GDA: variants seen among roughly 807,000 people sequenced by gnomAD.
GDA encodes the protein cytoplasmic PSD-95 interactor.
A neutral mutation model predicts 59.6 loss-of-function variants in GDA; 18 were observed. That is an observed-to-expected ratio of 0.30 (90% confidence interval 0.21 to 0.45). The LOEUF (loss-of-function observed/expected upper bound fraction) is 0.45. Ranked by LOEUF, GDA falls within the 20% of genes least tolerant of loss-of-function variation. The probability of loss-of-function intolerance (pLI) is 1.00; values close to 1 mark genes in which losing one functional copy is unlikely to be tolerated. For synonymous variants in GDA, 201 were observed against 201.1 expected (o/e 1.00, Z 0.00); for missense variants, 427 against 552.3 (o/e 0.77, Z 2.27).
At chr9:72,115,551 T>C (rs1030796587) in intron 1 of GDA, among the ~76,000 whole-genome samples, 2 of 152,226 alleles carry the variant, frequency 1.3e-5, no homozygotes, top group Non-Finnish European at 1.5e-5. Context: ...TATTGTGATG[T>C]ACAAGATAGA....
chr9:72,126,638 C>T (rs1825858822), intron 1 of GDA, among the ~76,000 whole-genome samples: 1 of 149,688 alleles, frequency 6.7e-6, no homozygotes, highest in African/African-American at 2.5e-5. Flanking sequence ...GCGATCTCGG[C>T]TCACTGCAAC....
chr9:72,180,001 T>C lies in GDA; in HGVS notation c.124-15499T>C, dbSNP rs997455941. The stretch of plus-strand genomic sequence containing the variant: ...CGGGGGGGGTTAGGACTGTAACATA[T>C]TAAATTGGGGTGGGAGGGGAGGTTC... On this transcript the variant is annotated intron_variant, in intron 1 of 13. Transcript: ENST00000358399. Among the ~76,000 whole-genome samples, 9 of 151,714 alleles carry C rather than the reference T, an allele frequency of 5.9e-5. No homozygotes were observed. The South Asian group carries it at 1.9e-3, about 32-fold the overall frequency.
chr9:72,139,277 T>A (rs1269907448), intron 1 of GDA, among the ~76,000 whole-genome samples: 1 of 151,354 alleles, frequency 6.6e-6, no homozygotes, highest in African/African-American at 2.5e-5. Context: ...ATTATACACA[T>A]TAATGATAAA....
chr9:72,188,146 TG>T (rs1234951580), intron 1 of GDA, among the ~76,000 whole-genome samples: 1 of 152,188 alleles, frequency 6.6e-6, no homozygotes, highest in Non-Finnish European at 1.5e-5. Context: ...AGCCTGGCCA[TG>T]TAAACAACAA....
At chr9:72,225,492 T>C (rs1837437853) in intron 7 of GDA, among the ~76,000 whole-genome samples, 185 bp from the exon 8 acceptor site, 2 of 152,098 alleles carry the variant, frequency 1.3e-5, no homozygotes, top group Admixed American at 6.5e-5. Flanking sequence ...CTTTGTCATA[T>C]ACATTATATT....
chr9:72,204,106 C>T (rs1178220427), intron 3 of GDA, among the ~76,000 whole-genome samples: 3 of 152,082 alleles, frequency 2.0e-5, no homozygotes, highest in Non-Finnish European at 4.4e-5. Flanking sequence ...TGAGCCACCG[C>T]GCCCGGCCGA....
chr9:72,236,394 T>C (rs1838991598), intron 10 of GDA, among the ~76,000 whole-genome samples: 1 of 152,200 alleles, frequency 6.6e-6, no homozygotes, highest in Admixed American at 6.5e-5. Flanking sequence ...TCTCATTTCT[T>C]CTTAAACTTT....
At chr9:72,178,410 G>C (rs1006330924) in intron 1 of GDA, among the ~76,000 whole-genome samples, 1 of 143,916 alleles carries the variant, frequency 6.9e-6, no homozygotes, top group South Asian at 2.2e-4. Flanking sequence ...AGTTGGAATC[G>C]ATATTTTTTT....
chr9:72,224,904 C>T (rs929318257), intron 7 of GDA, among the ~76,000 whole-genome samples: 2 of 150,982 alleles, frequency 1.3e-5, no homozygotes, highest in Non-Finnish European at 2.9e-5. Context: ...TTGGGCCAAA[C>T]CCAGCTCTCT....
Position 72,210,153 on chromosome 9 carries a change from G to GT in GDA, c.385-528dup, listed in dbSNP as rs1162199245. Among the ~76,000 whole-genome samples, 16 of 152,226 alleles carry GT rather than the reference G, an allele frequency of 1.1e-4. No individual in the cohort carries two copies. In the South Asian group the frequency reaches 2.9e-3, roughly 28 times the overall value. Reference sequence around the variant, plus strand: ...AAGTTGCTTCCAGGTTCTCGTCCATGTTTTTTGTCTTCCAAGAAGATATTG... The same window carrying GT: ...AAGTTGCTTCCAGGTTCTCGTCCATGTTTTTTTGTCTTCCAAGAAGATATTG... On this transcript the variant is annotated intron_variant, in intron 3 of 13. Coordinates refer to ENST00000358399, the MANE Select transcript of GDA (RefSeq NM_004293.5).
At chr9:72,230,035 G>C (rs1564144153) in intron 9 of GDA, among the ~76,000 whole-genome samples, 1 of 152,222 alleles carries the variant, frequency 6.6e-6, no homozygotes, top group Non-Finnish European at 1.5e-5. Context: ...ACACATTTCT[G>C]TTTAAATGGT....
intron 1 of GDA, among the ~76,000 whole-genome samples, chr9:72,139,604 G>A (rs1472849349): frequency 6.6e-6 from 1 of 152,120 alleles, no homozygotes; most frequent in African/African-American, 2.4e-5. Context: ...AGGATCACTT[G>A]AGGACAAGAG....
intron 6 of GDA, 109 bp downstream of exon 6, chr9:72,219,615 C>T (rs1303421575): frequency 7.1e-6 from 5 of 701,336 alleles, no homozygotes; most frequent in Non-Finnish European, 1.2e-5. Context: ...TTATCTCATG[C>T]ATGTAGAAGT....
chr9:72,138,999 C>T (rs1359164964), intron 1 of GDA, among the ~76,000 whole-genome samples: 2 of 152,134 alleles, frequency 1.3e-5, no homozygotes, highest in Non-Finnish European at 2.9e-5. Context: ...TCTTTCCATG[C>T]ATTTCGTGTT....
chr9:72,166,089 T>C (rs991848216), intron 1 of GDA, among the ~76,000 whole-genome samples: 1 of 152,150 alleles, frequency 6.6e-6, no homozygotes, highest in African/African-American at 2.4e-5. Context: ...AACCTTTGTA[T>C]GTATGAATGG....
chr9:72,216,087 T>A (rs11143175), intron 5 of GDA, among the ~76,000 whole-genome samples: 70,166 of 151,962 alleles, frequency 0.46, 16,410 homozygotes, highest in Middle Eastern at 0.56. Flanking sequence ...ATAGAAGCCT[T>A]GGTGAACTGA....
chr9:72,212,639 A>C (rs1403893621), intron 4 of GDA, among the ~76,000 whole-genome samples: 3 of 152,130 alleles, frequency 2.0e-5, no homozygotes, highest in Non-Finnish European at 4.4e-5. Context: ...CACCACCTGG[A>C]GTAATCAGAG....
intron 1 of GDA, among the ~76,000 whole-genome samples, chr9:72,193,279 C>T (rs1196936068): frequency 6.6e-6 from 1 of 152,280 alleles, no homozygotes; most frequent in Non-Finnish European, 1.5e-5. Flanking sequence ...CTTGGGAAGG[C>T]TTTCCAGGTA....
chr9:72,255,839 A>G (rs1402911243), downstream of GDA, among the ~76,000 whole-genome samples: 1 of 152,176 alleles, frequency 6.6e-6, no homozygotes, highest in Non-Finnish European at 1.5e-5. Flanking sequence ...CATCCAGGAC[A>G]ATTTTGCAAT....
Sources: gnomAD v4.1 joint callset for allele counts (sites outside exome capture counted in the v4.1 genomes callset) on GRCh38, gnomAD v4.1.1 for gene constraint, MANE v1.5 for transcripts, NCBI Gene and HGNC (gene_info 2026-07-23, HGNC 2026-07-21) for gene names.